KATNIP: variants seen among roughly 807,000 people sequenced by gnomAD.
The protein encoded by KATNIP is katanin interacting protein.
A neutral mutation model predicts 174.0 loss-of-function variants in KATNIP; 126 were observed. The observed-to-expected ratio is 0.72, with a 90% confidence interval of 0.63 to 0.84. KATNIP has a LOEUF of 0.84. Ranked by LOEUF, KATNIP falls within the 40% of genes least tolerant of loss-of-function variation. The pLI is 0.00. For synonymous variants in KATNIP, 810 were observed against 835.7 expected, an observed-to-expected ratio of 0.97 and a Z score of 0.53; for missense variants, 1,958 against 2,109.7, an observed-to-expected ratio of 0.93 and a Z score of 1.41.
chr16:27,776,880 CCT>C lies in KATNIP; in HGVS notation c.4450-45_4450-44del, dbSNP rs2144299712. On this transcript the variant is annotated intron_variant, in intron 24 of 27. Coordinates refer to ENST00000261588, the MANE Select transcript of KATNIP (RefSeq NM_015202.5). This position sits in a 1 kb window ranked among gnomAD's most constrained non-coding sequence, Gnocchi z 4.7. ...CTGGCACCCCCAGCCCAGCCAAGCG[CCT>C]CTGTTTCCAAACATGCCTGTTTTAA... The C allele has an allele frequency of 7.2e-7, 1 of 1,391,640 alleles. No homozygotes were observed. The highest frequency in any genetic ancestry group is 1.0e-6 in the Non-Finnish European group (1 of 978,570). The allele number at this position is 1,391,640 out of a possible 1,614,324, so 86.2% of individuals were successfully genotyped here.
chr16:27,764,059 C>T (rs1311450250), intron 19 of KATNIP, among the ~76,000 whole-genome samples: 2 of 152,134 alleles, frequency 1.3e-5, no homozygotes, highest in African/African-American at 2.4e-5. Context: ...GTCATGCTGG[C>T]GAAGTCCATT....
At chr16:27,587,433 G>A (rs2090944423) in intron 2 of KATNIP, among the ~76,000 whole-genome samples, 1 of 152,184 alleles carries the variant, frequency 6.6e-6, no homozygotes, top group Non-Finnish European at 1.5e-5. Context: ...CACAACTAAT[G>A]CATGCTGATT....
At chr16:27,766,526 C>G in intron 20 of KATNIP, 52 bp downstream of exon 20, 1 of 1,552,960 alleles carries the variant, frequency 6.4e-7, no homozygotes, top group African/African-American at 1.4e-5. Flanking sequence ...GAAGCAGCAC[C>G]TTGATGAATG....
At chr16:27,753,570 G>A (rs2081599508) in intron 17 of KATNIP, among the ~76,000 whole-genome samples, 1 of 152,208 alleles carries the variant, frequency 6.6e-6, no homozygotes, top group Non-Finnish European at 1.5e-5. Flanking sequence ...ACTCTCTGAA[G>A]ACCAGGATTT....
intron 1 of KATNIP, among the ~76,000 whole-genome samples, chr16:27,557,665 T>A (rs2089685950): frequency 6.6e-6 from 1 of 151,976 alleles, no homozygotes. Flanking sequence ...TGAGCTCAAG[T>A]GATCCTCCCA....
rs1423156302 is a variant in KATNIP at position 27,749,695 on chromosome 16, G to T, written c.2735G>T (p.Gly912Val). ...SLSAFDRSHR[G>V]RISNTELPGD... ...AGTGCCTTCGACCGCTCCCACCGGG[G>T]ACGCATCTCCAACACGGAGCTCCCG... The change falls in exon 16 of 28, where the codon GGA (glycine) becomes GTA (valine). Residue 912 changes from glycine (G) to valine (V), a missense_variant. By Grantham distance (109) the Gly-to-Val change is moderately radical (BLOSUM62 -3). Around this residue, in one of 3 missense-constraint regions of KATNIP, gnomAD observed 1,557 missense variants for 1,617.8 expected, o/e 0.96. Coordinates refer to ENST00000261588, the MANE Select transcript of KATNIP (RefSeq NM_015202.5). 6.2e-7 allele frequency: 1 copy of T among 1,613,548 alleles called. No individual in the cohort carries two copies. Among genetic ancestry groups the T allele is most frequent in the East Asian group, 2.2e-5 (1 of 44,876 alleles).
At chr16:27,580,046 G>T (rs1215482225) in intron 2 of KATNIP, among the ~76,000 whole-genome samples, 3 of 152,134 alleles carry the variant, frequency 2.0e-5, no homozygotes, top group African/African-American at 7.2e-5. Flanking sequence ...TGTCTCTTCA[G>T]TGTGCAACCA....
intron 14 of KATNIP, among the ~76,000 whole-genome samples, chr16:27,734,074 A>T (rs1019654263): frequency 3.3e-5 from 5 of 151,710 alleles, no homozygotes; most frequent in South Asian, 2.1e-4. Context: ...GGACTTATTT[A>T]TTATTATTAT....
Position 27,777,938 on chromosome 16 carries a change from C to A in KATNIP, c.4770C>A (p.Asn1590Lys), listed in dbSNP as rs748557535. 4 of 1,614,160 alleles carry A rather than the reference C, an allele frequency of 2.5e-6. No homozygotes were observed. The South Asian group carries it at 4.4e-5, about 18-fold the overall frequency. ...TGAATGAAAACCAAATCATTACCAA[C>A]GCGAAACGGAAGCAGAGCGTTGTTG... ...QMMNENQIIT[N>K]AKRKQSVVDP... The change falls in exon 27 of 28, where the codon AAC becomes AAA. Residue 1590 changes from asparagine (N) to lysine (K), a missense_variant. Asn to Lys is a moderately conservative substitution (Grantham distance 94). This residue lies in a region of KATNIP where 383 missense variants were observed against 456.0 expected (regional missense o/e 0.84). Transcript: ENST00000261588. The surrounding 1 kb of genome is among the most constrained non-coding windows in gnomAD (Gnocchi z 4.4).
chr16:27,577,882 T>A lies in KATNIP; in HGVS notation c.63+3926T>A, dbSNP rs535973859. On this transcript the variant is annotated intron_variant, in intron 2 of 27. Coordinates refer to ENST00000261588, the MANE Select transcript of KATNIP (RefSeq NM_015202.5). ...AGCAAAACCCTGTCTCAAAAAAAAATTTTTTTTAATAAATAAAATAAAAGT... is the reference window on the plus strand; with the variant it reads ...AGCAAAACCCTGTCTCAAAAAAAAAATTTTTTTAATAAATAAAATAAAAGT... 2.2e-4 allele frequency among the ~76,000 whole-genome samples: 33 copies of A among 151,430 alleles called. 1 individual carries two copies. The highest frequency in any genetic ancestry group is 8.4e-4 in the South Asian group (4 of 4,780).
chr16:27,676,781 C>T (rs1166067034), intron 6 of KATNIP, among the ~76,000 whole-genome samples: 1 of 152,050 alleles, frequency 6.6e-6, no homozygotes, highest in African/African-American at 2.4e-5. Flanking sequence ...GTGATCCTCC[C>T]ACCTCAACCT....
In KATNIP at chr16:27,750,055, C is replaced by T; in HGVS notation, c.3095C>T (p.Thr1032Ile). 1 of 1,614,210 alleles carries T rather than the reference C, an allele frequency of 6.2e-7. No individual in the cohort carries two copies. Among genetic ancestry groups the T allele is most frequent in the East Asian group, 2.2e-5 (1 of 44,878 alleles). Residue 1032 changes from threonine (T) to isoleucine (I), a missense_variant, in exon 16 of 28, where the codon ACC becomes ATC. Coordinates refer to ENST00000261588, the MANE Select transcript of KATNIP (RefSeq NM_015202.5). Reference protein sequence around the residue: ...PAYGKDPRVVTNLIDGVNRTQ... With the variant: ...PAYGKDPRVVINLIDGVNRTQ... ...TATGGGAAAGACCCCCGCGTGGTCACCAACCTCATCGACGGGGTGAACAGG... is the reference window on the plus strand; with the variant it reads ...TATGGGAAAGACCCCCGCGTGGTCATCAACCTCATCGACGGGGTGAACAGG...
intron 5 of KATNIP, among the ~76,000 whole-genome samples, chr16:27,640,677 A>ATTTTTTTTTTT (rs11320678): frequency 8.2e-6 from 1 of 122,076 alleles, no homozygotes. Context: ...TTGGTTTTTA[A>ATTTTTTTTTTT]TTTTTTTTTT....
chr16:27,638,599 A>C (rs943230367), intron 5 of KATNIP, among the ~76,000 whole-genome samples: 4 of 152,020 alleles, frequency 2.6e-5, no homozygotes, highest in African/African-American at 9.7e-5. Flanking sequence ...CAAGAGAGGG[A>C]CCACAGTCCT....
chr16:27,747,734 G>A (rs924231398), intron 15 of KATNIP, among the ~76,000 whole-genome samples: 8 of 151,880 alleles, frequency 5.3e-5, no homozygotes, highest in Non-Finnish European at 7.4e-5. Flanking sequence ...AAGAGGCACC[G>A]GGTGGCAGGG....
intron 10 of KATNIP, among the ~76,000 whole-genome samples, chr16:27,700,479 C>T (rs1271420151): frequency 6.6e-6 from 1 of 152,160 alleles, no homozygotes; most frequent in Non-Finnish European, 1.5e-5. Context: ...TAAAACCATA[C>T]ATAAACAGGG....
intron 1 of KATNIP, among the ~76,000 whole-genome samples, chr16:27,564,101 G>A (rs117542797): frequency 0.016 from 2,433 of 152,062 alleles, 31 homozygotes; most frequent in Non-Finnish European, 0.021. Flanking sequence ...GGGAGTTGAC[G>A]GGGCCTGGCT....
At position 27,777,439 on chromosome 16, in the gene KATNIP, G is replaced by A. The variant is rs549164265; in HGVS notation, c.4552-171G>A. Among the ~76,000 whole-genome samples the A allele has an allele frequency of 6.6e-6, 1 of 152,308 alleles. No homozygotes were observed. Among genetic ancestry groups the A allele is most frequent in the South Asian group, 2.1e-4 (1 of 4,830 alleles). On this transcript the variant is annotated intron_variant, in intron 25 of 27. Coordinates refer to ENST00000261588, the MANE Select transcript of KATNIP (RefSeq NM_015202.5). The surrounding 1 kb of genome is among the most constrained non-coding windows in gnomAD (Gnocchi z 4.4). ...CTGATAGCTCCTGCCTTTCCCAATGGTTGTGAAGATCTGAAATCACAAGGC... is the reference window on the plus strand; with the variant it reads ...CTGATAGCTCCTGCCTTTCCCAATGATTGTGAAGATCTGAAATCACAAGGC...
rs751048237 is a variant in KATNIP, at chr16:27,777,802, A to G, written c.4712+32A>G. On this transcript the variant is annotated intron_variant, in intron 26 of 27. Coordinates refer to ENST00000261588, the MANE Select transcript of KATNIP (RefSeq NM_015202.5). The surrounding 1 kb of genome is among the most constrained non-coding windows in gnomAD (Gnocchi z 4.4). ...CCCCAGCCGGCCCCATGGCCTCCCC[A>G]CCAGCCCTAAGGAGGATGGATGGCT... 10 of 1,612,748 alleles carry G rather than the reference A, an allele frequency of 6.2e-6. No homozygotes were observed. In the East Asian group the frequency reaches 2.2e-4, roughly 36 times the overall value.
Sources: gnomAD v4.1 joint callset for allele counts (sites outside exome capture counted in the v4.1 genomes callset) on GRCh38, gnomAD v4.1.1 for gene constraint, gnomAD v4.1.1 regional missense constraint, Gnocchi (gnomAD v3.1) non-coding constraint, MANE v1.5 for transcripts, NCBI Gene and HGNC (gene_info 2026-07-23, HGNC 2026-07-21) for gene names.